The following SGCZ variants were observed in gnomAD, a reference collection of about 807,000 sequenced individuals.
SGCZ encodes zeta-sarcoglycan.
SGCZ carries 40 observed loss-of-function variants against 41.3 expected under a neutral mutation model. The ratio of observed to expected loss-of-function variants is 0.97; its 90% CI spans 0.75 to 1.26. The LOEUF (loss-of-function observed/expected upper bound fraction) is 1.26. Ranked by LOEUF, SGCZ falls within the 50% of genes most tolerant of loss-of-function variation. The pLI is 0.00. For missense variants in SGCZ, 552 were observed against 369.8 expected (o/e 1.49, Z -4.04); for synonymous variants, 206 against 137.5 (o/e 1.50, Z -3.49).
intron 2 of SGCZ, among the ~76,000 whole-genome samples, chr8:14,509,836 GAA>G (rs1802416933): frequency 6.6e-6 from 1 of 152,116 alleles, no homozygotes; most frequent in Admixed American, 6.6e-5. Flanking sequence ...GCAGGAGAGA[GAA>G]GAGGGGCAAA....
chr8:14,251,002 G>GA (rs1799263584), intron 3 of SGCZ, among the ~76,000 whole-genome samples: 2 of 152,074 alleles, frequency 1.3e-5, no homozygotes, highest in African/African-American at 4.8e-5. Flanking sequence ...CTGAGGTGGA[G>GA]GGATCACCTG....
At position 14,553,193 on chromosome 8, in the gene SGCZ, A is replaced by AATTG. The variant is rs377400287; in HGVS notation, c.234+1538_234+1539insCAAT. On this transcript the variant is annotated intron_variant, in intron 2 of 7. Transcript: ENST00000382080. Reference sequence around the variant, plus strand: ...AGGCAGGAGCAGAGCTGAGAACAGAAATATGATGGCTAGAGTTGTTGATAT... The same window carrying AATTG: ...AGGCAGGAGCAGAGCTGAGAACAGAAATTGATATGATGGCTAGAGTTGTTGATAT... Among the ~76,000 whole-genome samples the AATTG allele has an allele frequency of 1.8e-3, 280 of 152,140 alleles. 1 individual carries two copies. Among genetic ancestry groups the AATTG allele is most frequent in the African/African-American group, 6.5e-3 (269 of 41,540 alleles).
At chr8:14,130,419 A>G (rs1017695439) in intron 5 of SGCZ, among the ~76,000 whole-genome samples, 1 of 152,208 alleles carries the variant, frequency 6.6e-6, no homozygotes, top group African/African-American at 2.4e-5. Context: ...TATAGATAAC[A>G]GTCCTTCCTT....
intron 4 of SGCZ, among the ~76,000 whole-genome samples, chr8:14,233,565 A>G (rs937921321): frequency 1.4e-5 from 2 of 147,002 alleles, no homozygotes; most frequent in African/African-American, 4.9e-5. Context: ...TATTTATACT[A>G]CCATAAAGAT....
chr8:14,087,653 G>C lies in SGCZ; in HGVS notation c.*2790C>G, dbSNP rs796549510. On this transcript the variant is annotated 3_prime_UTR_variant, in exon 8 of 8. Transcript: ENST00000382080. ...TTATTTATACATATTGTAACATAAA[G>C]ATGGTACTGGGAAAACATAATCTGT... Among the ~76,000 whole-genome samples, 6 of 151,468 alleles carry C rather than the reference G, an allele frequency of 4.0e-5. No individual in the cohort carries two copies. The highest frequency in any genetic ancestry group is 1.5e-4 in the African/African-American group (6 of 41,352).
chr8:14,610,330 A>G (rs1805886201), intron 1 of SGCZ, among the ~76,000 whole-genome samples: 1 of 152,208 alleles, frequency 6.6e-6, no homozygotes, highest in African/African-American at 2.4e-5. Context: ...TCCCTCTACA[A>G]GACAAATGAA....
Position 15,237,840 on chromosome 8 carries a change from A to T in SGCZ, c.-217T>A. ...TTCACTTTATTTTACTTCCTCAAAGATTTAGTGACAGGTGATCTCTACCGC... is the reference window on the plus strand; with the variant it reads ...TTCACTTTATTTTACTTCCTCAAAGTTTTAGTGACAGGTGATCTCTACCGC... On this transcript the variant is annotated 5_prime_UTR_variant, in exon 1 of 8. Coordinates refer to ENST00000382080, the MANE Select transcript of SGCZ (RefSeq NM_139167.4). The T allele has an allele frequency of 1.9e-6, 1 of 532,944 alleles. No individual in the cohort carries two copies. 33.0% of individuals were successfully genotyped at this position (532,944 alleles called of 1,614,324 possible). A position where few individuals can be genotyped will look rare whatever the true frequency, so the allele number is the denominator to read the frequency against.
intron 2 of SGCZ, among the ~76,000 whole-genome samples, chr8:14,443,767 T>C (rs750947980): frequency 0.036 from 5,423 of 150,852 alleles, 163 homozygotes; most frequent in African/African-American, 0.073. Flanking sequence ...ACTTCATGTC[T>C]AAAACACCAA....
chr8:14,221,269 A>G (rs1051791727), intron 4 of SGCZ, among the ~76,000 whole-genome samples: 4 of 152,238 alleles, frequency 2.6e-5, no homozygotes, highest in African/African-American at 9.6e-5. Flanking sequence ...CAAGGAAAGC[A>G]TACGTTGAAA....
chr8:14,503,732 C>A (rs1178628375), intron 2 of SGCZ, among the ~76,000 whole-genome samples: 1 of 152,120 alleles, frequency 6.6e-6, no homozygotes, highest in Non-Finnish European at 1.5e-5. Context: ...CACACCACTG[C>A]ACTCCAGCCT....
intron 2 of SGCZ, among the ~76,000 whole-genome samples, chr8:14,324,924 G>A (rs1226567863): frequency 6.6e-6 from 1 of 152,150 alleles, no homozygotes. Flanking sequence ...AAGGTCCCTG[G>A]AGGGTGGAAC....
At chr8:15,163,045 G>C (rs1369640906) in intron 1 of SGCZ, among the ~76,000 whole-genome samples, 1 of 152,118 alleles carries the variant, frequency 6.6e-6, no homozygotes, top group Admixed American at 6.5e-5. Context: ...TATTTCTCAG[G>C]TATGCTATGA....
intron 1 of SGCZ, among the ~76,000 whole-genome samples, chr8:15,033,502 T>C (rs1803761100): frequency 6.6e-6 from 1 of 152,052 alleles, no homozygotes; most frequent in Non-Finnish European, 1.5e-5. Flanking sequence ...AGTACCTGTG[T>C]GACCCCCCTG....
intron 1 of SGCZ, among the ~76,000 whole-genome samples, chr8:15,209,270 T>C (rs1801165433): frequency 6.6e-6 from 1 of 152,106 alleles, no homozygotes; most frequent in Non-Finnish European, 1.5e-5. Context: ...ACTTTGAACG[T>C]TCTTTCACTT....
intron 2 of SGCZ, among the ~76,000 whole-genome samples, chr8:14,443,475 G>A (rs11984512): frequency 0.031 from 4,707 of 152,058 alleles, 221 homozygotes; most frequent in African/African-American, 0.11. Flanking sequence ...ATAGATCAAT[G>A]GAACAGAACA....
chr8:15,104,077 C>A (rs944969758), intron 1 of SGCZ, among the ~76,000 whole-genome samples: 1 of 152,152 alleles, frequency 6.6e-6, no homozygotes, highest in Non-Finnish European at 1.5e-5. Context: ...ACCTTTCTCA[C>A]GTTTCTGTAA....
chr8:14,898,354 G>A (rs572003262), intron 1 of SGCZ, among the ~76,000 whole-genome samples: 6 of 152,302 alleles, frequency 3.9e-5, no homozygotes, highest in African/African-American at 1.4e-4. Flanking sequence ...AGGGTGCAGC[G>A]ATGTGAGAAA....
chr8:14,849,640 G>A (rs1027464479), intron 1 of SGCZ, among the ~76,000 whole-genome samples: 2 of 152,110 alleles, frequency 1.3e-5, no homozygotes, highest in South Asian at 2.1e-4. Context: ...TCAGCTATAC[G>A]TGGGGTGAGG....
At chr8:14,321,115 C>G (rs1210735894) in intron 3 of SGCZ, among the ~76,000 whole-genome samples, 1 of 152,070 alleles carries the variant, frequency 6.6e-6, no homozygotes, top group East Asian at 1.9e-4. Flanking sequence ...TTTATATAAA[C>G]TAGCCCAGAT....
Sources: allele counts gnomAD v4.1 joint callset (sites outside exome capture counted in the v4.1 genomes callset), GRCh38; gene constraint gnomAD v4.1.1; transcripts MANE v1.5; gene names NCBI Gene and HGNC (gene_info 2026-07-23, HGNC 2026-07-21).